Variants in GTF2H2C observed in about 807,000 individuals in gnomAD.
GTF2H2C encodes GTF2H2 family member C, also known as general transcription factor IIH subunit 2-like protein.
A neutral mutation model predicts 24.8 loss-of-function variants in GTF2H2C; 5 were observed. The ratio of observed to expected loss-of-function variants is 0.20; its 90% CI spans 0.11 to 0.42. The LOEUF is 0.42. Among genes scored for constraint, GTF2H2C ranks in the 20% least tolerant of loss-of-function variants. GTF2H2C has a pLI of 1.00. For synonymous variants in GTF2H2C, 14 were observed against 52.6 expected (o/e 0.27, Z 3.18); for missense variants, 45 against 169.8 (o/e 0.27, Z 4.08).
In GTF2H2C at chr5:69,579,824, T is replaced by A. The variant is rs376202089; in HGVS notation, c.717T>A (p.Pro239=). Residue 239 remains proline (P), a synonymous_variant, in exon 12 of 17, where the codon CCT becomes CCA. Transcript: ENST00000380729. ...TGCTCACACATCATCTTAGTCCTCCTCCTGCTAGCTCAAGTTCTGAATGCT... is the reference window on the plus strand; with the variant it reads ...TGCTCACACATCATCTTAGTCCTCCACCTGCTAGCTCAAGTTCTGAATGCT... The part of the protein sequence containing the change: ...KELLTHHLSP[P]PASSSSECSL... 1.3e-4 allele frequency: 217 copies of A among 1,607,930 alleles called. 4 individuals carry two copies. The highest frequency in any genetic ancestry group is 1.8e-4 in the Non-Finnish European group (210 of 1,179,282).
Position 69,593,938 on chromosome 5 carries a change from G to GAA in GTF2H2C, c.*1765_*1766dup, listed in dbSNP as rs1174187959. Among the ~76,000 whole-genome samples the GAA allele has an allele frequency of 8.8e-3, 369 of 41,762 alleles. 83 individuals are homozygous for GAA. The highest frequency in any genetic ancestry group is 0.016 in the East Asian group (17 of 1,082). The allele number at this position is 41,762 out of a possible 152,430, so 27.4% of individuals were successfully genotyped here. The stretch of plus-strand genomic sequence containing the variant: ...GCGACAGAGCTAGACTCTGTCTCAA[G>GAA]AAAAAAAAAAAAAAAAAAAAAAAAA... On this transcript the variant is annotated 3_prime_UTR_variant, in exon 17 of 17. Transcript: ENST00000380729.
At chr5:69,568,859 T>C (rs1770934034) in intron 8 of GTF2H2C, 1 of 120,024 alleles carries the variant, frequency 8.3e-6, no homozygotes, top group Non-Finnish European at 1.8e-5. Flanking sequence ...ATCTTAAAAT[T>C]AAATTCTTAA....
At chr5:69,577,133 C>T (rs866842475) in intron 9 of GTF2H2C, among the ~76,000 whole-genome samples, 100 of 6,450 alleles carry the variant, frequency 0.016, 4 homozygotes, top group African/African-American at 0.085. Context: ...TACCAAACAG[C>T]ATTTGCATTC....
At chr5:69,566,386 A>G in intron 4 of GTF2H2C, 178 bp downstream of exon 4, 2 of 1,020,390 alleles carry the variant, frequency 2.0e-6, no homozygotes, top group Non-Finnish European at 2.8e-6. Flanking sequence ...AATGGTCTTT[A>G]GAGACTGTCT....
intron 1 of GTF2H2C, among the ~76,000 whole-genome samples, chr5:69,561,824 G>T (rs978023739): frequency 6.7e-6 from 1 of 150,226 alleles, no homozygotes; most frequent in South Asian, 2.1e-4. Flanking sequence ...TTGATGTTTT[G>T]TAGAGACAAG....
At chr5:69,582,151 C>CA (rs1163513120) in intron 12 of GTF2H2C, among the ~76,000 whole-genome samples, 18 of 93,742 alleles carry the variant, frequency 1.9e-4, no homozygotes, top group Non-Finnish European at 3.9e-4. Context: ...AATCTGAGGT[C>CA]ATATATAGAC....
intron 9 of GTF2H2C, among the ~76,000 whole-genome samples, chr5:69,573,342 C>T (rs1450171218): frequency 1.2e-5 from 1 of 86,262 alleles, no homozygotes; most frequent in African/African-American, 4.5e-5. Flanking sequence ...TGCCACCATG[C>T]CCAGCCAATT....
intron 2 of GTF2H2C, among the ~76,000 whole-genome samples, chr5:69,564,136 G>T (rs2112172942): frequency 1.3e-5 from 2 of 148,718 alleles, no homozygotes; most frequent in Non-Finnish European, 3.0e-5. Flanking sequence ...TGCTGCAAAA[G>T]ACAGGATTTC....
intron 1 of GTF2H2C, among the ~76,000 whole-genome samples, chr5:69,560,841 T>G (rs952496938): frequency 4.0e-5 from 6 of 151,804 alleles, no homozygotes. Context: ...CACTGCAACC[T>G]CCACCTCCCG....
chr5:69,561,717 ATAG>A (rs1770366229), intron 1 of GTF2H2C, among the ~76,000 whole-genome samples: 1 of 151,850 alleles, frequency 6.6e-6, no homozygotes, highest in Admixed American at 6.6e-5. Context: ...AGTAGTGAAC[ATAG>A]TAGCCTCGAC....
At chr5:69,564,755 CAT>C (rs1434200937) in intron 2 of GTF2H2C, among the ~76,000 whole-genome samples, 10 of 149,110 alleles carry the variant, frequency 6.7e-5, no homozygotes, top group South Asian at 6.4e-4. Flanking sequence ...CAATGAATCA[CAT>C]GTCACTCAGC....
intron 9 of GTF2H2C, among the ~76,000 whole-genome samples, chr5:69,575,572 C>CTT (rs1771306020): frequency 7.4e-6 from 1 of 134,274 alleles, no homozygotes; most frequent in Admixed American, 7.5e-5. Flanking sequence ...TGGTGGTGTG[C>CTT]GCCTATAATC....
At chr5:69,591,534 G>A in intron 16 of GTF2H2C, among the ~76,000 whole-genome samples, 1 of 151,926 alleles carries the variant, frequency 6.6e-6, no homozygotes, top group Non-Finnish European at 1.5e-5. Flanking sequence ...AAGCTGCCCT[G>A]GAAATTTTAT....
intron 2 of GTF2H2C, among the ~76,000 whole-genome samples, chr5:69,563,577 G>T (rs545512215): frequency 6.6e-6 from 1 of 152,146 alleles, no homozygotes; most frequent in South Asian, 2.1e-4. Flanking sequence ...ACGTGTGCAT[G>T]TTGGTTACAT....
intron 2 of GTF2H2C, among the ~76,000 whole-genome samples, chr5:69,563,208 GT>G (rs372454225): frequency 0.73 from 79,022 of 108,030 alleles, 28,905 homozygotes; most frequent in South Asian, 0.85. Context: ...ACCCGGCCTG[GT>G]TTTTTTTTTT....
Position 69,594,084 on chromosome 5 carries a change from T to C in GTF2H2C, c.*1886T>C. On this transcript the variant is annotated 3_prime_UTR_variant, in exon 17 of 17. Transcript: ENST00000380729. ...TTTTTTTTTTTTTTTTGAGATGGAGTCTTGCTCCATCGCCCAGGCTGGAGT... is the reference window on the plus strand; with the variant it reads ...TTTTTTTTTTTTTTTTGAGATGGAGCCTTGCTCCATCGCCCAGGCTGGAGT... Among the ~76,000 whole-genome samples the C allele has an allele frequency of 4.9e-5, 1 of 20,456 alleles. No homozygotes were observed. Among genetic ancestry groups the C allele is most frequent in the East Asian group, 1.2e-3 (1 of 850 alleles). 13.4% of individuals were successfully genotyped at this position (20,456 alleles called of 152,430 possible).
Position 69,560,810 on chromosome 5 carries a change from T to C in GTF2H2C, c.-132+407T>C, listed in dbSNP as rs2243528. Among the ~76,000 whole-genome samples the C allele has an allele frequency of 1.7e-3, 263 of 152,028 alleles. 6 individuals carry two copies. Among genetic ancestry groups the C allele is most frequent in the Admixed American group, 0.014 (209 of 15,272 alleles). On this transcript the variant is annotated intron_variant, in intron 1 of 16. Transcript: ENST00000380729. Reference sequence around the variant, plus strand: ...GTCTCGCCCTGTCGCCAGGCTGGAGTGCAGCGGCGCGATCTCGGCTCACTG... The same window carrying C: ...GTCTCGCCCTGTCGCCAGGCTGGAGCGCAGCGGCGCGATCTCGGCTCACTG...
At chr5:69,561,035 T>C (rs1362340532) in intron 1 of GTF2H2C, among the ~76,000 whole-genome samples, 1 of 152,014 alleles carries the variant, frequency 6.6e-6, no homozygotes, top group Non-Finnish European at 1.5e-5. Context: ...GGATTACAGG[T>C]GTGAGCCACC....
intron 1 of GTF2H2C, among the ~76,000 whole-genome samples, chr5:69,562,056 C>G (rs1037256620): frequency 3.3e-5 from 5 of 152,124 alleles, no homozygotes; most frequent in African/African-American, 1.2e-4. Context: ...TGGTGACTCA[C>G]GCCTGTAATC....
Sources: gnomAD v4.1 joint callset for allele counts (sites outside exome capture counted in the v4.1 genomes callset) on GRCh38, gnomAD v4.1.1 for gene constraint, MANE v1.5 for transcripts, NCBI Gene and HGNC (gene_info 2026-07-23, HGNC 2026-07-21) for gene names.